The following ZNF124 variants were observed in gnomAD, a reference collection of about 807,000 sequenced individuals.
ZNF124 encodes zinc finger protein 124.
A neutral mutation model predicts 26.6 loss-of-function variants in ZNF124; 25 were observed. The ratio of observed to expected loss-of-function variants is 0.94; its 90% confidence interval spans 0.68 to 1.31. ZNF124 has a LOEUF of 1.31. ZNF124 is among the 40% of genes most tolerant of loss of function. ZNF124 has a pLI of 0.00. For synonymous variants in ZNF124, 129 were observed against 133.3 expected, an observed-to-expected ratio of 0.97 and a Z score of 0.22; for missense variants, 444 against 422.2, an observed-to-expected ratio of 1.05 and a Z score of -0.45.
At chr1:247,131,924 A>T (rs563003053) in intron 3 of ZNF124, among the ~76,000 whole-genome samples, 1 of 152,254 alleles carries the variant, frequency 6.6e-6, no homozygotes, top group East Asian at 1.9e-4. Context: ...CCACCAAGGG[A>T]CAAAGTCTTT....
At chr1:247,154,324 A>ACTTCTC (rs1449233732), downstream of ZNF124, among the ~76,000 whole-genome samples, 1 of 152,020 alleles carries the variant, frequency 6.6e-6, no homozygotes, top group Non-Finnish European at 1.5e-5. Flanking sequence ...CCCTGCTTGT[A>ACTTCTC]CTTCTCCTTC....
chr1:247,158,631 G>GT lies in ZNF124; in HGVS notation c.218+374dup, dbSNP rs925633994. Among the ~76,000 whole-genome samples the GT allele has an allele frequency of 5.7e-4, 84 of 147,022 alleles. 1 individual carries two copies. Among genetic ancestry groups the GT allele is most frequent in the Middle Eastern group, 3.5e-3 (1 of 288 alleles). On this transcript the variant is annotated intron_variant, in intron 3 of 3. Coordinates refer to ENST00000543802, the MANE Select transcript of ZNF124 (RefSeq NM_001297568.2). ...TGTCTTAATTTATTTTGTTTGCTTG[G>GT]TTTTTTTTTTTCCCCGAGATGGTGT... is the stretch of plus-strand genomic sequence containing the variant.
rs575652385 is a variant in ZNF124 at position 247,156,488 on chromosome 1, C to G, written c.*78G>C. ...GAAATCTGGGAAAATTAAGTACTTT[C>G]CTACACCTTACATTCACAGTTTCTC... is the stretch of plus-strand genomic sequence containing the variant. On this transcript the variant is annotated 3_prime_UTR_variant, in exon 4 of 4. Transcript: ENST00000543802. 4 of 1,430,880 alleles carry G rather than the reference C, an allele frequency of 2.8e-6. No homozygotes were observed. In the African/African-American group the frequency reaches 4.3e-5, roughly 15 times the overall value. The allele number at this position is 1,430,880 out of a possible 1,614,324, so 88.6% of individuals were successfully genotyped here. A position where few individuals can be genotyped will look rare whatever the true frequency, so the allele number is the denominator to read the frequency against.
At position 247,168,247 on chromosome 1, in the gene ZNF124, G is replaced by A. The variant is rs531448850; in HGVS notation, c.30+3601C>T. Among the ~76,000 whole-genome samples, 4 of 152,308 alleles carry A rather than the reference G, an allele frequency of 2.6e-5. No homozygotes were observed. The highest frequency in any genetic ancestry group is 2.1e-4 in the South Asian group (1 of 4,822). On this transcript the variant is annotated intron_variant, in intron 1 of 3. Transcript: ENST00000543802. The surrounding 1 kb of genome is among the most constrained non-coding windows in gnomAD (Gnocchi z 4.0). ...AGAAGTCATTATATGAAAAAAACACGGCTGGGCGTGGTGGCTCATGCCTGC... is the reference window on the plus strand; with the variant it reads ...AGAAGTCATTATATGAAAAAAACACAGCTGGGCGTGGTGGCTCATGCCTGC...
chr1:247,159,882 T>C, intron 1 of ZNF124, 69 bp from the exon 2 acceptor site: 1 of 1,543,200 alleles, frequency 6.5e-7, no homozygotes, highest in Non-Finnish European at 8.7e-7. Context: ...AGTCAATTTA[T>C]AAGATGTTCA....
downstream of ZNF124, among the ~76,000 whole-genome samples, chr1:247,153,838 G>A (rs143040216): frequency 6.6e-6 from 1 of 152,178 alleles, no homozygotes; most frequent in African/African-American, 2.4e-5. Context: ...CCATGCTAAC[G>A]AAAGCCCCCT....
chr1:247,143,944 AT>A (rs1672695007), intron 3 of ZNF124, among the ~76,000 whole-genome samples: 2 of 142,856 alleles, frequency 1.4e-5, no homozygotes, highest in South Asian at 4.9e-4. Context: ...TGCATGCTCA[AT>A]AAAACTCCAC....
chr1:247,157,428 A>G (rs1673217075), intron 3 of ZNF124, 25 bp from the exon 4 acceptor site: 1 of 1,549,382 alleles, frequency 6.5e-7, no homozygotes, highest in East Asian at 2.4e-5. Context: ...ATGACGTATG[A>G]AGAATTTTTC....
Position 247,159,732 on chromosome 1 carries a change from A to G in ZNF124, c.112T>C (p.Tyr38His), listed in dbSNP as rs1428889026. ...AAGGTTTCCTGCATCACGTCTCTAT[A>G]GAGATTCTTCTGGGAAGGATCCAAC... ...ALLDPSQKNL[Y>H]RDVMQETFRN... is the part of the protein sequence containing the mutation. Residue 38 changes from tyrosine to histidine, a missense_variant, in exon 2 of 4, where the codon TAT becomes CAT. Coordinates refer to ENST00000543802, the MANE Select transcript of ZNF124 (RefSeq NM_001297568.2). 3 of 1,613,660 alleles carry G rather than the reference A, an allele frequency of 1.9e-6. No individual in the cohort carries two copies. Among genetic ancestry groups the G allele is most frequent in the Admixed American group, 3.3e-5 (2 of 59,890 alleles).
intron 3 of ZNF124, among the ~76,000 whole-genome samples, chr1:247,143,693 C>T (rs1191161030): frequency 1.3e-5 from 2 of 152,124 alleles, no homozygotes; most frequent in Admixed American, 6.5e-5. Context: ...AGGCAAGAGT[C>T]GGGCTATGTC....
At position 247,159,743 on chromosome 1, in the gene ZNF124, T is replaced by C. The variant is rs768244489; in HGVS notation, c.101A>G (p.Gln34Arg). 3.2e-5 allele frequency: 52 copies of C among 1,613,766 alleles called. No individual in the cohort carries two copies. The highest frequency in any genetic ancestry group is 2.4e-5 in the Non-Finnish European group (28 of 1,179,960). The part of the protein sequence containing the change: ...QEEWALLDPS[Q>R]KNLYRDVMQE... ...CATCACGTCTCTATAGAGATTCTTC[T>C]GGGAAGGATCCAACAAAGCCCACTC... Residue 34 changes from glutamine (Q) to arginine (R), a missense_variant, in exon 2 of 4, where the codon CAG becomes CGG. Physicochemically the swap from Gln to Arg is conservative, Grantham distance 43 (BLOSUM62 1). Coordinates refer to ENST00000543802, the MANE Select transcript of ZNF124 (RefSeq NM_001297568.2).
At position 247,156,614 on chromosome 1, in the gene ZNF124, A is replaced by G. The variant is rs373594787; in HGVS notation, c.1008T>C (p.His336=). 9 of 1,564,882 alleles carry G rather than the reference A, an allele frequency of 5.8e-6. No individual in the cohort carries two copies. In the African/African-American group the frequency reaches 1.2e-4, roughly 22 times the overall value. Reference sequence around the variant, plus strand: ...GCTTTTCTCCAGTATGAGTTTTTTTATGCTTCCAAAGGGTACTAGCACGAC... The same window carrying G: ...GCTTTTCTCCAGTATGAGTTTTTTTGTGCTTCCAAAGGGTACTAGCACGAC... ...AFSRASTLWK[H]KKTHTGEKPY... is the part of the protein sequence containing the mutation. Residue 336 remains histidine (H), a synonymous_variant, in exon 4 of 4, where the codon CAT becomes CAC. Transcript: ENST00000543802.
intron 1 of ZNF124, among the ~76,000 whole-genome samples, chr1:247,160,090 A>AT (rs1673398631): frequency 6.9e-6 from 1 of 144,288 alleles, no homozygotes; most frequent in South Asian, 2.1e-4. Context: ...GGCTCAAGTG[A>AT]TTCTCCTGCC....
intron 3 of ZNF124, among the ~76,000 whole-genome samples, chr1:247,133,411 C>A (rs953961244): frequency 4.6e-5 from 7 of 152,028 alleles, no homozygotes; most frequent in Non-Finnish European, 8.8e-5. Flanking sequence ...GCAAGACAGG[C>A]CAACATGCAA....
chr1:247,150,890 CAA>C (rs1672914633), downstream of ZNF124, among the ~76,000 whole-genome samples: 1 of 112,270 alleles, frequency 8.9e-6, no homozygotes, highest in African/African-American at 4.4e-5. Flanking sequence ...GGAAAAATAA[CAA>C]ATAAAATTTT....
chr1:247,167,483 T>C (rs915998487), intron 1 of ZNF124, among the ~76,000 whole-genome samples: 4 of 152,326 alleles, frequency 2.6e-5, no homozygotes, highest in Non-Finnish European at 5.9e-5. Context: ...TCTGTAATCA[T>C]AAAGGAAGAG....
intron 1 of ZNF124, among the ~76,000 whole-genome samples, chr1:247,165,251 C>T (rs1003162574): frequency 4.6e-5 from 7 of 152,140 alleles, no homozygotes. Flanking sequence ...CAGGCGTGAG[C>T]CACTGCGCCT....
intron 1 of ZNF124, among the ~76,000 whole-genome samples, chr1:247,164,140 T>TA (rs1244652171): frequency 3.3e-5 from 5 of 152,278 alleles, no homozygotes; most frequent in Middle Eastern, 3.4e-3. Flanking sequence ...CGGAGAAACA[T>TA]ACTTCAAAAT....
intron 1 of ZNF124, among the ~76,000 whole-genome samples, chr1:247,163,836 G>C (rs572072073): frequency 1.8e-3 from 273 of 151,812 alleles, no homozygotes; most frequent in African/African-American, 6.4e-3. Flanking sequence ...ATACAACAAT[G>C]AAAAAGAAAA....
Sources: allele counts gnomAD v4.1 joint callset (sites outside exome capture counted in the v4.1 genomes callset), GRCh38; gene constraint gnomAD v4.1.1; non-coding constraint Gnocchi (gnomAD v3.1); transcripts MANE v1.5; gene names NCBI Gene and HGNC (gene_info 2026-07-23, HGNC 2026-07-21).